CDH4: variants seen among roughly 807,000 people sequenced by gnomAD.
CDH4 encodes cadherin-4.
A neutral mutation model predicts 86.0 loss-of-function variants in CDH4; 33 were observed. The observed-to-expected ratio is 0.38, with a 90% CI of 0.29 to 0.51. The LOEUF (loss-of-function observed/expected upper bound fraction) is 0.51, where lower values mean the gene tolerates loss of function less well. CDH4 is among the 20% of genes least tolerant of loss of function. The pLI is 0.86. For missense variants in CDH4, 1,114 were observed against 1,307.4 expected (o/e 0.85, Z 2.28); for synonymous variants, 555 against 549.4 (o/e 1.01, Z -0.14).
At chr20:61,907,754 T>A (rs984207118) in intron 8 of CDH4, among the ~76,000 whole-genome samples, 4 of 152,190 alleles carry the variant, frequency 2.6e-5, no homozygotes, top group African/African-American at 7.2e-5. Context: ...GCCACCTGGC[T>A]CAGGAACAGA....
At chr20:61,574,226 A>C (rs968105217) in intron 2 of CDH4, among the ~76,000 whole-genome samples, 3 of 152,256 alleles carry the variant, frequency 2.0e-5, no homozygotes, top group African/African-American at 7.2e-5. Flanking sequence ...AAGCAGCACC[A>C]TGCTGTAGCC....
chr20:61,903,560 G>A (rs1244345794), intron 8 of CDH4, among the ~76,000 whole-genome samples: 8 of 45,734 alleles, frequency 1.7e-4, no homozygotes, highest in African/African-American at 4.1e-4. Flanking sequence ...AAAAAAAAAA[G>A]TGTAAATGTA....
chr20:61,489,190 C>A (rs576551393), intron 2 of CDH4, among the ~76,000 whole-genome samples: 1 of 152,250 alleles, frequency 6.6e-6, no homozygotes, highest in Non-Finnish European at 1.5e-5. Flanking sequence ...ACAGCTCCAC[C>A]CTTTCCAAGG....
chr20:61,491,465 A>G (rs1332125759), intron 2 of CDH4, among the ~76,000 whole-genome samples: 1 of 152,238 alleles, frequency 6.6e-6, no homozygotes, highest in East Asian at 1.9e-4. Context: ...AGATGGAACA[A>G]AGGAAGACAG....
chr20:61,840,437 C>G (rs1192213609), intron 4 of CDH4, among the ~76,000 whole-genome samples: 1 of 152,232 alleles, frequency 6.6e-6, no homozygotes, highest in Non-Finnish European at 1.5e-5. Flanking sequence ...GAGACTCTGC[C>G]AGAACGTTTC....
At position 61,518,894 on chromosome 20, in the gene CDH4, CCATT is replaced by C. The variant is rs2085846792; in HGVS notation, c.170-224665_170-224662del. Among the ~76,000 whole-genome samples the C allele has an allele frequency of 6.6e-6, 1 of 152,072 alleles. No homozygotes were observed. Among genetic ancestry groups the C allele is most frequent in the Non-Finnish European group, 1.5e-5 (1 of 68,016 alleles). On this transcript the variant is annotated intron_variant, in intron 2 of 15. Coordinates refer to ENST00000614565, the MANE Select transcript of CDH4 (RefSeq NM_001794.5). This position sits in a 1 kb window ranked among gnomAD's most constrained non-coding sequence, Gnocchi z 6.3. Reference sequence around the variant, plus strand: ...ATTCATTCATCAATCCACCCATCATCCATTCATCCATCATTCATTCATCTACCCA... The same window carrying C: ...ATTCATTCATCAATCCACCCATCATCCATCCATCATTCATTCATCTACCCA...
At chr20:61,718,690 A>C in intron 2 of CDH4, 1 of 416,180 alleles carries the variant, frequency 2.4e-6, no homozygotes, top group South Asian at 1.8e-5. Flanking sequence ...CCTGCATGAC[A>C]CTGTGTGAAT....
At chr20:61,350,481 G>A (rs554023833) in intron 2 of CDH4, among the ~76,000 whole-genome samples, 199 of 70,226 alleles carry the variant, frequency 2.8e-3, no homozygotes, top group Non-Finnish European at 4.4e-3. Flanking sequence ...CCCACCCAGC[G>A]TCAGGCAGAC....
At chr20:61,618,192 A>G (rs1200951056) in intron 2 of CDH4, among the ~76,000 whole-genome samples, 2 of 152,096 alleles carry the variant, frequency 1.3e-5, no homozygotes, top group East Asian at 3.9e-4. Flanking sequence ...GAAGGCAACA[A>G]AGGCATGGGT....
chr20:61,277,057 C>A (rs2123155002), intron 2 of CDH4, among the ~76,000 whole-genome samples: 1 of 152,336 alleles, frequency 6.6e-6, no homozygotes, highest in East Asian at 1.9e-4. Context: ...CCACCCCCTT[C>A]TAGGCACCAG....
intron 2 of CDH4, among the ~76,000 whole-genome samples, chr20:61,553,040 A>G (rs989256433): frequency 6.6e-5 from 10 of 152,260 alleles, no homozygotes; most frequent in African/African-American, 2.4e-4. Context: ...AAACAACTCA[A>G]ATGTCCATCA....
At chr20:61,657,592 A>G (rs554889086) in intron 2 of CDH4, among the ~76,000 whole-genome samples, 56 of 152,222 alleles carry the variant, frequency 3.7e-4, no homozygotes, top group Non-Finnish European at 5.9e-4. Flanking sequence ...CTCCTGCCCT[A>G]TTCAAGGTTA....
intron 2 of CDH4, chr20:61,370,188 T>C (rs8123496): frequency 0.015 from 2,273 of 152,420 alleles, 64 homozygotes; most frequent in African/African-American, 0.052. Flanking sequence ...TGGGTGGCCC[T>C]GGGAAGTTGT....
chr20:61,325,105 G>A (rs1186518717), intron 2 of CDH4, among the ~76,000 whole-genome samples: 1 of 152,002 alleles, frequency 6.6e-6, no homozygotes, highest in Non-Finnish European at 1.5e-5. Flanking sequence ...GTGGATGTGA[G>A]ACAAGATGGA....
At position 61,608,672 on chromosome 20, in the gene CDH4, T is replaced by G. The variant is rs565137525; in HGVS notation, c.170-134891T>G. Among the ~76,000 whole-genome samples, 3 of 152,370 alleles carry G rather than the reference T, an allele frequency of 2.0e-5. No homozygotes were observed. The East Asian group carries it at 5.8e-4, about 29-fold the overall frequency. On this transcript the variant is annotated intron_variant, in intron 2 of 15. Transcript: ENST00000614565. ...GTTTTGTTCAGAAAGTTCTGCATGT[T>G]GGACGCTGTGCTCTCCTGGTCACTG... is the stretch of plus-strand genomic sequence containing the variant.
intron 2 of CDH4, among the ~76,000 whole-genome samples, chr20:61,387,485 C>G (rs985501854): frequency 1.3e-5 from 2 of 152,000 alleles, no homozygotes; most frequent in Non-Finnish European, 2.9e-5. Flanking sequence ...TATACACACA[C>G]AGCCACACAA....
At chr20:61,560,396 ATTGT>A in intron 2 of CDH4, among the ~76,000 whole-genome samples, 1 of 152,148 alleles carries the variant, frequency 6.6e-6, no homozygotes, top group Admixed American at 6.5e-5. Context: ...ACTCGCAACC[ATTGT>A]TTGAGGAGTT....
chr20:61,828,289 C>T (rs911830499), intron 4 of CDH4, among the ~76,000 whole-genome samples: 9 of 152,266 alleles, frequency 5.9e-5, no homozygotes, highest in South Asian at 2.1e-4. Context: ...ACCCACCACC[C>T]GCCACCTGTG....
At chr20:61,548,781 G>A (rs759840393) in intron 2 of CDH4, among the ~76,000 whole-genome samples, 1 of 152,136 alleles carries the variant, frequency 6.6e-6, no homozygotes, top group East Asian at 1.9e-4. Context: ...CTTCTAAAAA[G>A]AAATGTCACA....
Sources: gnomAD v4.1 joint callset for allele counts (sites outside exome capture counted in the v4.1 genomes callset) on GRCh38, gnomAD v4.1.1 for gene constraint, Gnocchi (gnomAD v3.1) non-coding constraint, MANE v1.5 for transcripts, NCBI Gene and HGNC (gene_info 2026-07-23, HGNC 2026-07-21) for gene names.